The following FES variants were observed in gnomAD, a reference collection of about 807,000 sequenced individuals.
FES encodes FES proto-oncogene, tyrosine kinase, also known as tyrosine-protein kinase Fes/Fps.
In FES, 83 loss-of-function variants were observed where a neutral mutation model predicts 109.6. The observed-to-expected ratio is 0.76, with a 90% CI of 0.63 to 0.91. The LOEUF (loss-of-function observed/expected upper bound fraction) is 0.91, where lower values mean the gene tolerates loss of function less well. FES is among the 40% of genes least tolerant of loss of function. The pLI, the probability that FES is intolerant of heterozygous loss-of-function variation, is 0.00. For missense variants in FES, 943 were observed against 1,070.9 expected, an observed-to-expected ratio of 0.88 and a Z score of 1.67; for synonymous variants, 458 against 442.1, an observed-to-expected ratio of 1.04 and a Z score of -0.45.
chr15:90,891,484 C>T (rs746418746), intron 11 of FES, 70 bp from the exon 12 acceptor site: 15 of 1,605,456 alleles, frequency 9.3e-6, no homozygotes, highest in Non-Finnish European at 1.3e-5. Context: ...TGCTGCTCTC[C>T]CTTTCCCCCT....
chr15:90,893,257 C>A (rs759859822), intron 15 of FES, 34 bp from the exon 16 acceptor site: 3 of 1,612,394 alleles, frequency 1.9e-6, no homozygotes, highest in East Asian at 4.5e-5. Flanking sequence ...AGCCTTACCT[C>A]AGGAGGCTCA....
chr15:90,891,758 G>T, intron 12 of FES, 82 bp downstream of exon 12: 1 of 1,580,024 alleles, frequency 6.3e-7, no homozygotes, highest in Non-Finnish European at 8.6e-7. Flanking sequence ...CGTCTGAGCA[G>T]AAAGGGCTTT....
rs1203891465 is a variant in FES at position 90,891,023 on chromosome 15, C to G, written c.1362C>G (p.Pro454=). The change falls in exon 11 of 19, where the codon CCC becomes CCG. Residue 454 remains proline, a synonymous_variant. Coordinates refer to ENST00000328850, the MANE Select transcript of FES (RefSeq NM_002005.4). ...AGCTCATTCCGGAGGTGCAGAAGCC[C>G]CTGCATGAGCAGCTGTGGTACCACG... ...PLQLIPEVQK[P]LHEQLWYHGA... is the part of the protein sequence containing the mutation. 1 of 1,597,562 alleles carries G rather than the reference C, an allele frequency of 6.3e-7. No homozygotes were observed. The highest frequency in any genetic ancestry group is 1.7e-5 in the Admixed American group (1 of 57,866).
rs529241191 is a variant in FES, at chr15:90,891,626, C to T, written c.1603C>T (p.Gln535Ter). 2 of 1,614,028 alleles carry T rather than the reference C, an allele frequency of 1.2e-6. No individual in the cohort carries two copies. The highest frequency in any genetic ancestry group is 1.7e-6 in the Non-Finnish European group (2 of 1,179,994). The change falls in exon 12 of 19, where the codon CAG (glutamine) becomes TAG (stop). Residue 535 changes from glutamine to a stop codon, truncating the protein, a stop_gained. Transcript: ENST00000328850. LOFTEE classifies it high-confidence loss of function. ...CATCGACCACCTACTGAGCACCCAG[C>T]AGCCCCTCACCAAGAAGAGTGGTGT... ...LLIDHLLSTQ[Q>*]PLTKKSGVVL...
rs1421956785 is a variant in FES, at chr15:90,893,209, C to G, written c.1921+15C>G. ...GCTTGTGCAGGGTGAGCGCGGGGCG[C>G]TGAGCTCCAGGTAGGGCGCGCAGCC... On this transcript the variant is annotated intron_variant, in intron 15 of 18. Transcript: ENST00000328850. The G allele has an allele frequency of 1.2e-6, 2 of 1,613,650 alleles. No individual in the cohort carries two copies. The highest frequency in any genetic ancestry group is 1.7e-5 in the Admixed American group (1 of 59,988).
rs2033481896 is a variant in FES, at chr15:90,894,006, C to A, written c.2274C>A (p.Ala758=). 1 of 1,613,894 alleles carries A rather than the reference C, an allele frequency of 6.2e-7. No individual in the cohort carries two copies. Among genetic ancestry groups the A allele is most frequent in the Non-Finnish European group, 8.5e-7 (1 of 1,179,986 alleles). Residue 758 remains alanine, a synonymous_variant, in exon 18 of 19, where the codon GCC becomes GCA. Transcript: ENST00000328850. ...ILLWETFSLG[A]SPYPNLSNQQ... ...TCTGGGAGACCTTCAGCCTGGGGGC[C>A]TCCCCCTATCCCAACCTCAGCAATC...
chr15:90,893,634 C>G lies in FES; in HGVS notation c.2046-20C>G, dbSNP rs1223635061. On this transcript the variant is annotated intron_variant, in intron 16 of 18. Coordinates refer to ENST00000328850, the MANE Select transcript of FES (RefSeq NM_002005.4). ...GCAGGCGACTGTTGGCCAAATGAGC[C>G]CCTGCCCTGTCTCACCCAGGGACCT... is the stretch of plus-strand genomic sequence containing the variant. 1 of 1,557,462 alleles carries G rather than the reference C, an allele frequency of 6.4e-7. No individual in the cohort carries two copies. The highest frequency in any genetic ancestry group is 8.7e-7 in the Non-Finnish European group (1 of 1,151,206).
Position 90,885,532 on chromosome 15 carries a change from C to T in FES, c.334C>T (p.Leu112Phe). The change falls in exon 3 of 19, where the codon CTT (leucine) becomes TTT (phenylalanine). Residue 112 changes from leucine (L) to phenylalanine (F), a missense_variant. Leu to Phe is a conservative substitution (Grantham distance 22). Transcript: ENST00000328850. ...CCTGCTCATCCGGGAACGGCAGCAG[C>T]TTCGCAAGACCTACAGCGAGCAGTG... ...LSLLIRERQQ[L>F]RKTYSEQWQQ... is the part of the protein sequence containing the mutation. 3.1e-6 allele frequency: 5 copies of T among 1,613,248 alleles called. No individual in the cohort carries two copies. The highest frequency in any genetic ancestry group is 4.2e-6 in the Non-Finnish European group (5 of 1,180,022).
chr15:90,893,567 G>C, intron 16 of FES, 87 bp from the exon 17 acceptor site: 2 of 1,505,434 alleles, frequency 1.3e-6, no homozygotes, highest in Non-Finnish European at 1.8e-6. Flanking sequence ...GCCGGGAGCA[G>C]CTTTTGTCCT....
At chr15:90,888,688 GTTAAC>G (rs909211905) in intron 5 of FES, among the ~76,000 whole-genome samples, 3 of 152,200 alleles carry the variant, frequency 2.0e-5, no homozygotes, top group African/African-American at 7.2e-5. Context: ...TGGAGTGGCT[GTTAAC>G]TTATGTAGGG....
Position 90,891,487 on chromosome 15 carries a change from T to C in FES, c.1531-67T>C, listed in dbSNP as rs536098823. On this transcript the variant is annotated intron_variant, in intron 11 of 18. Transcript: ENST00000328850. ...CCCTTTCTCCCCTGCTGCTCTCCCT[T>C]TCCCCCTCCCAGGGCTCACGCCCCC... 2.6e-4 allele frequency: 411 copies of C among 1,607,230 alleles called. 4 individuals are homozygous for C. In the South Asian group the frequency reaches 4.2e-3, roughly 16 times the overall value.
In FES at chr15:90,890,436, G is replaced by A; in HGVS notation, c.1272G>A (p.Leu424=). The stretch of plus-strand genomic sequence containing the variant: ...GAGAGGGGGGAAGGACACCCACGCT[G>A]GAGATCCTTAAGAGCCACATCTCAG... ...QEREGGRTPT[L]EILKSHISGI... Residue 424 remains leucine (L), a synonymous_variant, in exon 10 of 19, where the codon CTG becomes CTA. Transcript: ENST00000328850. 6.2e-7 allele frequency: 1 copy of A among 1,613,142 alleles called. No homozygotes were observed. The highest frequency in any genetic ancestry group is 1.1e-5 in the South Asian group (1 of 91,074).
chr15:90,891,165 C>T lies in FES; in HGVS notation c.1504C>T (p.Arg502Trp), dbSNP rs192241384. 1.1e-4 allele frequency: 179 copies of T among 1,562,850 alleles called. No homozygotes were observed. Among genetic ancestry groups the T allele is most frequent in the Admixed American group, 1.3e-4 (7 of 52,312 alleles). The change falls in exon 11 of 19, where the codon CGG (arginine) becomes TGG (tryptophan). Residue 502 changes from arginine to tryptophan, a missense_variant. Transcript: ENST00000328850. ...VLSVLWDGLP[R>W]HFIIQSLDNL... ...GTCGGTGCTGTGGGATGGTCTGCCC[C>T]GGCACTTCATCATCCAGTCCTTGGA...
rs907384834 is a variant in FES at position 90,884,527 on chromosome 15, G to A, written c.-27G>A. 6.5e-6 allele frequency: 1 copy of A among 154,130 alleles called. No individual in the cohort carries two copies. The highest frequency in any genetic ancestry group is 2.4e-5 in the African/African-American group (1 of 41,456). 9.5% of individuals were successfully genotyped at this position (154,130 alleles called of 1,614,324 possible). Reference sequence around the variant, plus strand: ...CTGAGTCGGTCCGAGGCCGTCCCAGGAGCAGCTGCCCGTGCGGGTACCTCT... The same window carrying A: ...CTGAGTCGGTCCGAGGCCGTCCCAGAAGCAGCTGCCCGTGCGGGTACCTCT... On this transcript the variant is annotated 5_prime_UTR_variant, in exon 1 of 19. Transcript: ENST00000328850.
In FES at chr15:90,889,707, C is replaced by T. The variant is rs1435352643; in HGVS notation, c.926+71C>T. On this transcript the variant is annotated intron_variant, in intron 7 of 18. Coordinates refer to ENST00000328850, the MANE Select transcript of FES (RefSeq NM_002005.4). The surrounding 1 kb of genome is among the most constrained non-coding windows in gnomAD (Gnocchi z 6.1). The stretch of plus-strand genomic sequence containing the variant: ...ACCACGAGTGTTTATGTAGGCAGGG[C>T]TAGGTCGTGGAGACTGTCCACACAG... The T allele has an allele frequency of 6.2e-7, 1 of 1,605,930 alleles. No homozygotes were observed. Among genetic ancestry groups the T allele is most frequent in the African/African-American group, 1.3e-5 (1 of 74,796 alleles).
intron 3 of FES, among the ~76,000 whole-genome samples, chr15:90,886,466 A>C (rs1305872280): frequency 6.6e-6 from 1 of 152,234 alleles, no homozygotes; most frequent in Non-Finnish European, 1.5e-5. Flanking sequence ...CGCTTGCCCA[A>C]CATATCCCAG....
chr15:90,885,957 C>T (rs1031137823), intron 3 of FES, among the ~76,000 whole-genome samples: 2 of 139,010 alleles, frequency 1.4e-5, no homozygotes, highest in Admixed American at 1.4e-4. Context: ...GCAGCCTCCT[C>T]TCAGGGCCCC....
intron 13 of FES, 192 bp from the exon 14 acceptor site, chr15:90,892,515 C>T (rs1003689057): frequency 1.7e-5 from 10 of 587,892 alleles, no homozygotes; most frequent in South Asian, 4.2e-5. Flanking sequence ...GGTGGCACAT[C>T]GGAGGCAACT....
intron 10 of FES, 151 bp from the exon 11 acceptor site, chr15:90,890,831 C>A: frequency 1.2e-6 from 1 of 814,126 alleles, no homozygotes; most frequent in African/African-American, 1.7e-5. Flanking sequence ...CAGTCCAGTG[C>A]CCACTCCAGG....
Sources: allele counts gnomAD v4.1 joint callset (sites outside exome capture counted in the v4.1 genomes callset), GRCh38; gene constraint gnomAD v4.1.1; non-coding constraint Gnocchi (gnomAD v3.1); transcripts MANE v1.5; gene names NCBI Gene and HGNC (gene_info 2026-07-23, HGNC 2026-07-21).